The following DNAH3 variants were observed in gnomAD, a reference collection of about 807,000 sequenced individuals.
DNAH3 encodes axonemal beta dynein heavy chain 3.
Under a neutral mutation model 432.5 loss-of-function variants are expected in DNAH3, and 332 were observed. That is an observed-to-expected ratio of 0.77 (90% CI 0.70 to 0.84). DNAH3 has a LOEUF of 0.84. DNAH3 is among the 40% of genes least tolerant of loss of function. DNAH3 has a pLI of 0.00. For synonymous variants in DNAH3, 1,956 were observed against 1,900.2 expected, an observed-to-expected ratio of 1.03 and a Z score of -0.76; for missense variants, 4,861 against 5,114.0, an observed-to-expected ratio of 0.95 and a Z score of 1.51.
At chr16:21,024,463 C>T in intron 39 of DNAH3, 133 bp downstream of exon 39, 1 of 614,538 alleles carries the variant, frequency 1.6e-6, no homozygotes, top group Admixed American at 3.4e-5. Context: ...AACAAGATAA[C>T]TGGGGACAAC....
chr16:20,936,905 A>G (rs2083612572), intron 59 of DNAH3, 52 bp from the exon 60 acceptor site: 6 of 1,427,482 alleles, frequency 4.2e-6, no homozygotes, highest in Non-Finnish European at 5.8e-6. Flanking sequence ...GCCACATTCT[A>G]CCCAAGTCCA....
intron 4 of DNAH3, among the ~76,000 whole-genome samples, chr16:21,141,030 T>C (rs1179094943): frequency 6.6e-6 from 1 of 151,902 alleles, no homozygotes; most frequent in African/African-American, 2.4e-5. Flanking sequence ...TCCCAGCTAC[T>C]CAGGAGGCTA....
At chr16:21,036,676 A>G in intron 35 of DNAH3, 38 bp downstream of exon 35, 1 of 1,596,974 alleles carries the variant, frequency 6.3e-7, no homozygotes, top group Non-Finnish European at 8.5e-7. Context: ...TTCAGCAAAC[A>G]GTAAAACAGG....
chr16:20,979,363 T>C (rs763909243), exon 50 of DNAH3: 2 of 1,614,040 alleles, frequency 1.2e-6, no homozygotes, highest in South Asian at 2.2e-5. Context: ...TCTGCAAGCC[T>C]GTCAGGTAGC....
chr16:21,057,537 G>A (rs999490137), intron 27 of DNAH3, among the ~76,000 whole-genome samples: 2 of 152,200 alleles, frequency 1.3e-5, no homozygotes, highest in Non-Finnish European at 2.9e-5. Context: ...GCTAACAAGA[G>A]ACAGTGTCAG....
chr16:21,143,981 T>C (rs1178361938), intron 3 of DNAH3, among the ~76,000 whole-genome samples: 1 of 152,178 alleles, frequency 6.6e-6, no homozygotes, highest in African/African-American at 2.4e-5. Context: ...CACCCAGACG[T>C]AGCACAGAGA....
At chr16:21,128,329 G>C (rs1461219278) in intron 7 of DNAH3, among the ~76,000 whole-genome samples, 2 of 151,950 alleles carry the variant, frequency 1.3e-5, no homozygotes, top group Admixed American at 6.6e-5. Context: ...AGAGAGGATG[G>C]CTTTGAGCTC....
At chr16:21,099,203 A>G (rs886174997) in intron 16 of DNAH3, among the ~76,000 whole-genome samples, 2 of 152,032 alleles carry the variant, frequency 1.3e-5, no homozygotes, top group Non-Finnish European at 2.9e-5. Flanking sequence ...TGGAGCTTCT[A>G]TTTTAACTGA....
chr16:21,031,958 C>T (rs950785654), intron 36 of DNAH3, among the ~76,000 whole-genome samples: 6 of 151,810 alleles, frequency 4.0e-5, no homozygotes, highest in African/African-American at 1.5e-4. Flanking sequence ...ACACTTGGAC[C>T]TGGGAGGTGG....
intron 28 of DNAH3, among the ~76,000 whole-genome samples, 182 bp downstream of exon 28, chr16:21,054,238 G>A (rs2090055538): frequency 6.6e-6 from 1 of 152,188 alleles, no homozygotes; most frequent in African/African-American, 2.4e-5. Flanking sequence ...TTGCGGATGG[G>A]AGAGGAAACA....
intron 47 of DNAH3, 30 bp from the exon 48 acceptor site, chr16:20,985,745 T>C (rs1469991095): frequency 6.3e-7 from 1 of 1,597,354 alleles, no homozygotes; most frequent in Non-Finnish European, 8.5e-7. Flanking sequence ...CGGCGGGGCA[T>C]TCAGTGAATG....
chr16:20,977,255 T>G (rs2085636661), intron 50 of DNAH3, among the ~76,000 whole-genome samples: 2 of 152,110 alleles, frequency 1.3e-5, no homozygotes, highest in South Asian at 2.1e-4. Flanking sequence ...CACGTGCCTG[T>G]AATCCCAGCT....
chr16:21,091,959 T>A (rs780890519), intron 18 of DNAH3, among the ~76,000 whole-genome samples: 2 of 152,028 alleles, frequency 1.3e-5, no homozygotes, highest in Non-Finnish European at 2.9e-5. Flanking sequence ...ATGAAAGAAA[T>A]CAAAGAAGAT....
chr16:21,059,612 G>A (rs923300359), intron 26 of DNAH3, among the ~76,000 whole-genome samples: 7 of 151,718 alleles, frequency 4.6e-5, no homozygotes, highest in South Asian at 4.2e-4. Context: ...ACATCTCTAC[G>A]AAAAATACAA....
intron 59 of DNAH3, among the ~76,000 whole-genome samples, chr16:20,940,921 C>T (rs2152567555): frequency 6.6e-6 from 1 of 152,116 alleles, no homozygotes; most frequent in South Asian, 2.1e-4. Context: ...TGTCAAAACT[C>T]CATCTCTATA....
intron 42 of DNAH3, 51 bp downstream of exon 42, chr16:21,003,053 T>C (rs2087107521): frequency 8.4e-7 from 1 of 1,191,498 alleles, no homozygotes; most frequent in African/African-American, 1.5e-5. Flanking sequence ...TGAGAGAATA[T>C]TTGGATGATT....
Position 21,127,732 on chromosome 16 carries a change from A to G in DNAH3, c.1163T>C (p.Val388Ala). The change falls in exon 8 of 62, where the codon GTG becomes GCG. Residue 388 changes from valine (V) to alanine (A), a missense_variant. By Grantham distance (64) the Val-to-Ala change is moderately conservative. Coordinates refer to ENST00000261383, the Ensembl canonical transcript of DNAH3. ...TGCCTCCAGGCAGTGTTTCTGGATCACATCCCAAAATTCCTGAGGCTGCAG... is the reference window on the plus strand; with the variant it reads ...TGCCTCCAGGCAGTGTTTCTGGATCGCATCCCAAAATTCCTGAGGCTGCAG... 1.2e-6 allele frequency: 2 copies of G among 1,614,174 alleles called. No individual in the cohort carries two copies. The highest frequency in any genetic ancestry group is 4.5e-5 in the East Asian group (2 of 44,876).
Position 21,134,471 on chromosome 16 carries a change from C to T in DNAH3, c.887-17G>A, listed in dbSNP as rs745912757. 20 of 1,608,702 alleles carry T rather than the reference C, an allele frequency of 1.2e-5. No homozygotes were observed. The highest frequency in any genetic ancestry group is 2.2e-5 in the East Asian group (1 of 44,816). ...TGTAATCAACTACAACCGGAAAGGG[C>T]GAACACCTCATTATTAAGCTCTAAG... On this transcript the variant is annotated splice_polypyrimidine_tract_variant and intron_variant, in intron 6 of 61. Coordinates refer to ENST00000261383, the Ensembl canonical transcript of DNAH3.
chr16:21,000,250 A>G lies in DNAH3; in HGVS notation c.6395T>C (p.Ile2132Thr), dbSNP rs2086952705. 12 of 1,613,872 alleles carry G rather than the reference A, an allele frequency of 7.4e-6. No individual in the cohort carries two copies. The African/African-American group carries it at 8.0e-5, about 11-fold the overall frequency. ...CACAAACACCACTGCTTTCTTCCCT[A>G]TGGGAGGCCCGAAAAGGCCCTTCCG... The change falls in exon 43 of 62, where the codon ATA becomes ACA. Residue 2132 changes from isoleucine (I) to threonine (T), a missense_variant. Physicochemically the swap from Ile to Thr is moderately conservative, Grantham distance 89. Coordinates refer to ENST00000261383, the Ensembl canonical transcript of DNAH3.
Sources: allele counts gnomAD v4.1 joint callset (sites outside exome capture counted in the v4.1 genomes callset), GRCh38; gene constraint gnomAD v4.1.1; transcripts MANE v1.5; gene names NCBI Gene and HGNC (gene_info 2026-07-23, HGNC 2026-07-21).